Variants in KPNB1 observed in about 807,000 individuals in gnomAD.
KPNB1 encodes the protein karyopherin subunit beta 1, also known as importin subunit beta-1.
KPNB1 carries 7 observed loss-of-function variants against 113.0 expected under a neutral mutation model. The ratio of observed to expected loss-of-function variants is 0.06; its 90% CI spans 0.04 to 0.12. The LOEUF is 0.12. KPNB1 is among the 10% of genes least tolerant of loss of function. The probability of loss-of-function intolerance (pLI) is 1.00; values close to 1 mark genes in which losing one functional copy is unlikely to be tolerated. For synonymous variants in KPNB1, 363 were observed against 378.6 expected (o/e 0.96, Z 0.48); for missense variants, 400 against 1,054.8 (o/e 0.38, Z 8.60).
At chr17:47,655,798 T>C (rs546002573) in intron 3 of KPNB1, among the ~76,000 whole-genome samples, 6 of 152,346 alleles carry the variant, frequency 3.9e-5, no homozygotes, top group African/African-American at 1.4e-4. Flanking sequence ...CATTTACTGC[T>C]ACCTCCTCTT....
At chr17:47,675,356 G>GTGT (rs1428285880) in intron 15 of KPNB1, among the ~76,000 whole-genome samples, 12 of 109,460 alleles carry the variant, frequency 1.1e-4, no homozygotes, top group East Asian at 2.5e-4. Flanking sequence ...ATTGGCAGAG[G>GTGT]TGTTGTTTTT....
intron 12 of KPNB1, chr17:47,671,618 A>G (rs182188264): frequency 1.3e-5 from 2 of 152,092 alleles, no homozygotes; most frequent in Non-Finnish European, 1.5e-5. Context: ...AGCTCACTGC[A>G]ACCTCCTCAA....
rs1342408246 is a variant in KPNB1 at position 47,683,534 on chromosome 17, T to G, written c.*1130T>G. 2.0e-5 allele frequency: 3 copies of G among 152,508 alleles called. No homozygotes were observed. The highest frequency in any genetic ancestry group is 4.4e-5 in the Non-Finnish European group (3 of 68,028). The allele number at this position is 152,508 out of a possible 1,614,324, so 9.4% of individuals were successfully genotyped here. A position where few individuals can be genotyped will look rare whatever the true frequency, so the allele number is the denominator to read the frequency against. ...TAGAAAAATAAATATACAATAAAAG[T>G]AAACACATACACACAAAACAGCAAA... is the stretch of plus-strand genomic sequence containing the variant. On this transcript the variant is annotated 3_prime_UTR_variant, in exon 22 of 22. Transcript: ENST00000290158.
intron 5 of KPNB1, among the ~76,000 whole-genome samples, chr17:47,660,145 C>T: frequency 6.6e-6 from 1 of 152,112 alleles, no homozygotes; most frequent in Non-Finnish European, 1.5e-5. Flanking sequence ...CTGGTAACGA[C>T]CATTTTACTT....
intron 21 of KPNB1, among the ~76,000 whole-genome samples, chr17:47,681,236 ATTTTCTTT>A (rs1339040213): frequency 1.6e-5 from 2 of 127,946 alleles, no homozygotes; most frequent in East Asian, 2.2e-4. Context: ...CACCCGACTA[ATTTTCTTT>A]TTTTCTTTTC....
intron 2 of KPNB1, among the ~76,000 whole-genome samples, chr17:47,651,848 T>C (rs897613531): frequency 6.6e-6 from 1 of 152,218 alleles, no homozygotes; most frequent in African/African-American, 2.4e-5. Flanking sequence ...GAGTAGTTTT[T>C]GAGGCCTGTG....
At chr17:47,670,529 CAAAT>C (rs1312756864) in intron 11 of KPNB1, 169 bp from the exon 12 acceptor site, 6 of 510,722 alleles carry the variant, frequency 1.2e-5, no homozygotes, top group East Asian at 9.5e-5. Context: ...AAGTACAAAT[CAAAT>C]AAATAAATAG....
rs999300838 is a variant in KPNB1, at chr17:47,685,109, T to A, written c.*2705T>A. The stretch of plus-strand genomic sequence containing the variant: ...CCTGTATCAATTACATTTATTAATT[T>A]TGCTTTTCATTTTTCCCAGTTCTCC... On this transcript the variant is annotated 3_prime_UTR_variant, in exon 22 of 22. Transcript: ENST00000290158. The A allele has an allele frequency of 2.6e-5, 4 of 152,174 alleles. No individual in the cohort carries two copies. Among genetic ancestry groups the A allele is most frequent in the African/African-American group, 9.7e-5 (4 of 41,442 alleles). 9.4% of individuals were successfully genotyped at this position (152,174 alleles called of 1,614,324 possible). A position where few individuals can be genotyped will look rare whatever the true frequency, so the allele number is the denominator to read the frequency against.
intron 5 of KPNB1, among the ~76,000 whole-genome samples, chr17:47,659,699 T>G (rs1168190567): frequency 1.3e-5 from 2 of 152,134 alleles, no homozygotes; most frequent in Non-Finnish European, 2.9e-5. Context: ...TAAATAAAAA[T>G]TATAGCAATT....
Position 47,678,139 on chromosome 17 carries a change from G to C in KPNB1, c.2197G>C (p.Glu733Gln). ...AIGGEFKKYL[E>Q]VVLNTLQQAS... The stretch of plus-strand genomic sequence containing the variant: ...TGGAGGAGAGTTTAAAAAATACTTA[G>C]AGGTTGTATTGAATACTCTTCAGCA... Residue 733 changes from glutamate (E) to glutamine (Q), a missense_variant, in exon 18 of 22, where the codon GAG (glutamate) becomes CAG (glutamine). Transcript: ENST00000290158. 6.2e-7 allele frequency: 1 copy of C among 1,614,210 alleles called. No individual in the cohort carries two copies. The highest frequency in any genetic ancestry group is 8.5e-7 in the Non-Finnish European group (1 of 1,180,008).
intron 17 of KPNB1, among the ~76,000 whole-genome samples, chr17:47,677,758 A>G (rs116608923): frequency 1.5e-4 from 23 of 152,354 alleles, no homozygotes; most frequent in African/African-American, 5.5e-4. Flanking sequence ...GACCATTTGT[A>G]TATTATACCT....
At position 47,683,109 on chromosome 17, in the gene KPNB1, A is replaced by AAAAAAAAC. The variant is rs1279493849; in HGVS notation, c.*712_*713insCAAAAAAA. 1 of 147,544 alleles carries AAAAAAAAC rather than the reference A, an allele frequency of 6.8e-6. No homozygotes were observed. The highest frequency in any genetic ancestry group is 1.5e-5 in the Non-Finnish European group (1 of 66,858). 9.1% of individuals were successfully genotyped at this position (147,544 alleles called of 1,614,324 possible). ...GAGATGTAAAAAAAAAAAAAAAAAA[A>AAAAAAAAC]AAAAAAAAAACACACACACAGAGGA... On this transcript the variant is annotated 3_prime_UTR_variant, in exon 22 of 22. Transcript: ENST00000290158.
At chr17:47,675,361 G>GTTGTTTTTTTTTTTTTTT (rs1567894260) in intron 15 of KPNB1, among the ~76,000 whole-genome samples, 10 of 88,692 alleles carry the variant, frequency 1.1e-4, no homozygotes, top group South Asian at 3.7e-4. Context: ...CAGAGGTGTT[G>GTTGTTTTTTTTTTTTTTT]TTTTTTTTTT....
chr17:47,680,387 C>T lies in KPNB1; in HGVS notation c.2469-121C>T, dbSNP rs1239483609. The T allele has an allele frequency of 2.6e-6, 3 of 1,170,538 alleles. No homozygotes were observed. The South Asian group carries it at 4.5e-5, about 17-fold the overall frequency. 72.5% of individuals were successfully genotyped at this position (1,170,538 alleles called of 1,614,324 possible). On this transcript the variant is annotated intron_variant, in intron 20 of 21. Transcript: ENST00000290158. Reference sequence around the variant, plus strand: ...AATTGCCTCTGTCTAGTGACCTCTACTGAGGGTTTTATTTATCTTTGAAAT... The same window carrying T: ...AATTGCCTCTGTCTAGTGACCTCTATTGAGGGTTTTATTTATCTTTGAAAT...
chr17:47,652,044 A>C (rs571904153), intron 2 of KPNB1, among the ~76,000 whole-genome samples: 1 of 152,166 alleles, frequency 6.6e-6, no homozygotes, highest in South Asian at 2.1e-4. Context: ...ACTTTTCCTT[A>C]TAAATCTGCT....
intron 12 of KPNB1, chr17:47,671,672 T>G (rs1480902376): frequency 6.6e-6 from 1 of 151,826 alleles, no homozygotes; most frequent in African/African-American, 2.4e-5. Flanking sequence ...GGACTACAGG[T>G]GCATGCCACC....
chr17:47,675,375 T>G (rs1319279008), intron 15 of KPNB1, among the ~76,000 whole-genome samples: 3 of 119,490 alleles, frequency 2.5e-5, no homozygotes, highest in East Asian at 2.5e-4. Flanking sequence ...TTTTTTTGTT[T>G]TTTTTTTTTG....
At chr17:47,669,544 G>A (rs2030389910) in intron 10 of KPNB1, 134 bp from the exon 11 acceptor site, 1 of 606,436 alleles carries the variant, frequency 1.6e-6, no homozygotes, top group Non-Finnish European at 3.0e-6. Flanking sequence ...TTCACACCAT[G>A]TCCTGTAAAA....
At chr17:47,674,847 A>C (rs1469496460) in intron 15 of KPNB1, 65 bp downstream of exon 15, 2 of 1,512,496 alleles carry the variant, frequency 1.3e-6, no homozygotes, top group Non-Finnish European at 1.8e-6. Context: ...GTGGCCTTAA[A>C]TAATTGTCAC....
Sources: allele counts gnomAD v4.1 joint callset (sites outside exome capture counted in the v4.1 genomes callset), GRCh38; gene constraint gnomAD v4.1.1; transcripts MANE v1.5; gene names NCBI Gene and HGNC (gene_info 2026-07-23, HGNC 2026-07-21).